Variants in RABEP1 observed in about 807,000 individuals in gnomAD.
RABEP1 encodes rabaptin, RAB GTPase binding effector protein 1, also known as rab GTPase-binding effector protein 1.
RABEP1 carries 51 observed loss-of-function variants against 123.4 expected under a neutral mutation model. That is an observed-to-expected ratio of 0.41 (90% CI 0.33 to 0.52). RABEP1 has a LOEUF of 0.52. RABEP1 is among the 20% of genes least tolerant of loss of function. RABEP1 has a pLI of 0.16. For synonymous variants in RABEP1, 347 were observed against 355.2 expected (o/e 0.98, Z 0.26); for missense variants, 888 against 996.3 (o/e 0.89, Z 1.46).
At chr17:5,369,283 C>T (rs1910343396) in intron 12 of RABEP1, among the ~76,000 whole-genome samples, 2 of 152,160 alleles carry the variant, frequency 1.3e-5, no homozygotes, top group African/African-American at 4.8e-5. Context: ...CTTGGGCTCC[C>T]TCCTCACTAG....
chr17:5,334,272 C>T (rs1360361062), intron 3 of RABEP1, among the ~76,000 whole-genome samples: 1 of 151,884 alleles, frequency 6.6e-6, no homozygotes, highest in Non-Finnish European at 1.5e-5. Context: ...CACTCTGTCA[C>T]CCAGGCTGGA....
rs532030164 is a variant in RABEP1, at chr17:5,373,381, G to C, written c.1952G>C (p.Ser651Thr). 9.5e-5 allele frequency: 154 copies of C among 1,613,244 alleles called. 1 individual carries two copies. In the South Asian group the frequency reaches 1.7e-3, roughly 18 times the overall value. The change falls in exon 13 of 18, where the codon AGT (serine) becomes ACT (threonine). Residue 651 changes from serine (S) to threonine (T), a missense_variant. Ser to Thr is a moderately conservative substitution (Grantham distance 58). Coordinates refer to ENST00000537505, the MANE Select transcript of RABEP1 (RefSeq NM_004703.6). ...ELVRLQKDND[S>T]LQGKHSLHVS... is the part of the protein sequence containing the mutation. ...GTGAGGTTACAGAAAGATAATGACA[G>C]TCTCCAGGGAAAGCACAGCCTGCAT...
chr17:5,282,800 G>A (rs1384075989), intron 1 of RABEP1, among the ~76,000 whole-genome samples: 1 of 151,664 alleles, frequency 6.6e-6, no homozygotes, highest in Non-Finnish European at 1.5e-5. Context: ...GTAGTGTGGG[G>A]AGGGAGCGGT....
intron 2 of RABEP1, among the ~76,000 whole-genome samples, chr17:5,309,673 A>G (rs2075216886): frequency 6.6e-6 from 1 of 151,948 alleles, no homozygotes. Flanking sequence ...AAAAAAAAGA[A>G]AAAGAAACTG....
rs781328681 is a variant in RABEP1, at chr17:5,289,190, C to T, written c.34+6670C>T. Among the ~76,000 whole-genome samples, 5 of 137,826 alleles carry T rather than the reference C, an allele frequency of 3.6e-5. No individual in the cohort carries two copies. In the East Asian group the frequency reaches 6.3e-4, roughly 17 times the overall value. 90.4% of individuals were successfully genotyped at this position (137,826 alleles called of 152,430 possible). On this transcript the variant is annotated intron_variant, in intron 1 of 17. Coordinates refer to ENST00000537505, the MANE Select transcript of RABEP1 (RefSeq NM_004703.6). Reference sequence around the variant, plus strand: ...TTCTTCTTCTTCCTCTTCCTTTTCTCTTCTACTATGAGTTGCTGTTTCACA... The same window carrying T: ...TTCTTCTTCTTCCTCTTCCTTTTCTTTTCTACTATGAGTTGCTGTTTCACA...
chr17:5,320,010 TATCC>T (rs1290283746), intron 2 of RABEP1, among the ~76,000 whole-genome samples: 2 of 151,946 alleles, frequency 1.3e-5, no homozygotes, highest in African/African-American at 4.8e-5. Flanking sequence ...AGGATATAAA[TATCC>T]ACATGCAGGA....
intron 8 of RABEP1, among the ~76,000 whole-genome samples, chr17:5,360,691 A>T (rs756231918): frequency 2.6e-5 from 4 of 152,006 alleles, no homozygotes; most frequent in Non-Finnish European, 1.5e-5. Flanking sequence ...CACTCATCCT[A>T]CGTGTTCTGA....
At chr17:5,347,314 G>GC (rs1319793911) in intron 6 of RABEP1, among the ~76,000 whole-genome samples, 4 of 152,156 alleles carry the variant, frequency 2.6e-5, no homozygotes, top group Admixed American at 2.6e-4. Flanking sequence ...GGAGGTTGAG[G>GC]CACGAGAATC....
intron 13 of RABEP1, among the ~76,000 whole-genome samples, chr17:5,373,736 ACG>A (rs1910736759): frequency 1.4e-5 from 2 of 146,788 alleles, no homozygotes; most frequent in African/African-American, 2.5e-5. Context: ...ACACACACAC[ACG>A]AAAAAGTAAC....
At chr17:5,309,835 C>T (rs2075218478) in intron 2 of RABEP1, among the ~76,000 whole-genome samples, 1 of 152,104 alleles carries the variant, frequency 6.6e-6, no homozygotes, top group Non-Finnish European at 1.5e-5. Context: ...TGTGGAACAG[C>T]ATCATTATCG....
intron 1 of RABEP1, among the ~76,000 whole-genome samples, chr17:5,294,351 T>G (rs1169775753): frequency 6.6e-6 from 1 of 151,790 alleles, no homozygotes; most frequent in East Asian, 1.9e-4. Context: ...GCCACTGCAC[T>G]CCAGCCTGGG....
intron 5 of RABEP1, among the ~76,000 whole-genome samples, chr17:5,344,458 T>G (rs1907891954): frequency 6.6e-6 from 1 of 151,312 alleles, no homozygotes; most frequent in Admixed American, 6.6e-5. Flanking sequence ...AGTCCACAAG[T>G]GACAGATAAT....
rs1909511210 is a variant in RABEP1 at position 5,361,312 on chromosome 17, T to G, written c.1200T>G (p.Asp400Glu). 1 of 1,614,166 alleles carries G rather than the reference T, an allele frequency of 6.2e-7. No individual in the cohort carries two copies. The highest frequency in any genetic ancestry group is 8.5e-7 in the Non-Finnish European group (1 of 1,180,038). The change falls in exon 9 of 18, where the codon GAT becomes GAG. Residue 400 changes from aspartate (D) to glutamate (E), a missense_variant. Physicochemically the swap from Asp to Glu is conservative, Grantham distance 45. Transcript: ENST00000537505. ...FSKSDNDMFK[D>E]GLRRAQSTDS... ...AATCGGACAATGACATGTTTAAAGA[T>G]GGACTCAGGAGAGCACAGTCTACAG...
chr17:5,309,022 G>A (rs2075209218), intron 2 of RABEP1, among the ~76,000 whole-genome samples, 200 bp downstream of exon 2: 1 of 152,098 alleles, frequency 6.6e-6, no homozygotes. Context: ...ATTTTGCCTT[G>A]TTTTTTGATC....
intron 2 of RABEP1, among the ~76,000 whole-genome samples, chr17:5,321,894 T>A (rs897237617): frequency 2.0e-5 from 3 of 152,046 alleles, no homozygotes; most frequent in Admixed American, 6.6e-5. Context: ...AAACAAAATT[T>A]AAAATTTAAA....
At chr17:5,285,416 G>A (rs1397738746) in intron 1 of RABEP1, among the ~76,000 whole-genome samples, 1 of 151,752 alleles carries the variant, frequency 6.6e-6, no homozygotes, top group Non-Finnish European at 1.5e-5. Flanking sequence ...ACAGGCATGA[G>A]CAACTGCACC....
At chr17:5,304,378 G>A (rs1418534616) in intron 1 of RABEP1, among the ~76,000 whole-genome samples, 1 of 151,972 alleles carries the variant, frequency 6.6e-6, no homozygotes, top group Non-Finnish European at 1.5e-5. Flanking sequence ...TCAGGAGTTC[G>A]AGACTAGCCT....
intron 13 of RABEP1, among the ~76,000 whole-genome samples, chr17:5,375,231 A>G (rs1597296941): frequency 8.6e-6 from 1 of 115,856 alleles, no homozygotes; most frequent in African/African-American, 3.6e-5. Flanking sequence ...CATGACTGTT[A>G]TTTTTTATGT....
intron 2 of RABEP1, among the ~76,000 whole-genome samples, chr17:5,320,506 T>A (rs553005510): frequency 1.1e-4 from 16 of 150,404 alleles, no homozygotes; most frequent in Admixed American, 2.0e-4. Context: ...AATACTGCAG[T>A]TGATAACTCT....
Sources: gnomAD v4.1 joint callset for allele counts (sites outside exome capture counted in the v4.1 genomes callset) on GRCh38, gnomAD v4.1.1 for gene constraint, MANE v1.5 for transcripts, NCBI Gene and HGNC (gene_info 2026-07-23, HGNC 2026-07-21) for gene names.